The following GPC5 variants were observed in gnomAD, a reference collection of about 807,000 sequenced individuals.
GPC5 encodes the protein glypican-5.
GPC5 carries 47 observed loss-of-function variants against 53.9 expected under a neutral mutation model. The observed-to-expected ratio is 0.87, with a 90% CI of 0.69 to 1.11. The LOEUF is 1.11. Ranked by LOEUF, GPC5 falls within the 50% of genes most tolerant of loss-of-function variation. The pLI is 0.00. For missense variants in GPC5, 748 were observed against 713.1 expected (o/e 1.05, Z -0.56); for synonymous variants, 286 against 263.3 (o/e 1.09, Z -0.84).
intron 7 of GPC5, among the ~76,000 whole-genome samples, chr13:92,743,773 T>C (rs1345492922): frequency 1.3e-5 from 2 of 152,180 alleles, no homozygotes; most frequent in Non-Finnish European, 2.9e-5. Flanking sequence ...AATACCTAAT[T>C]TATTGAGAGT....
At chr13:92,021,725 CATTT>C (rs1424613040) in intron 6 of GPC5, among the ~76,000 whole-genome samples, 1 of 152,096 alleles carries the variant, frequency 6.6e-6, no homozygotes, top group Non-Finnish European at 1.5e-5. Flanking sequence ...AGGCTTTATC[CATTT>C]ATCTATCTGG....
chr13:92,786,833 G>T (rs115800476), intron 7 of GPC5, among the ~76,000 whole-genome samples: 1 of 152,124 alleles, frequency 6.6e-6, no homozygotes, highest in East Asian at 1.9e-4. Flanking sequence ...TACCTGTGGG[G>T]TAATGAGGAA....
intron 2 of GPC5, among the ~76,000 whole-genome samples, chr13:91,480,102 C>A (rs1883220075): frequency 6.6e-6 from 1 of 152,054 alleles, no homozygotes; most frequent in Non-Finnish European, 1.5e-5. Context: ...GAAAGATGTT[C>A]TCATTAGAAA....
intron 6 of GPC5, among the ~76,000 whole-genome samples, chr13:91,993,784 T>C (rs2040479260): frequency 6.9e-6 from 1 of 144,970 alleles, no homozygotes; most frequent in Admixed American, 6.6e-5. Flanking sequence ...TTCATTCATG[T>C]TATTTCAGAG....
At chr13:91,859,942 T>C (rs2039007721) in intron 5 of GPC5, among the ~76,000 whole-genome samples, 1 of 152,112 alleles carries the variant, frequency 6.6e-6, no homozygotes, top group African/African-American at 2.4e-5. Context: ...TGACACATAA[T>C]AATTGTGCAT....
At position 91,671,806 on chromosome 13, in the gene GPC5, C is replaced by T. The variant is rs568473442; in HGVS notation, c.326-21381C>T. The stretch of plus-strand genomic sequence containing the variant: ...AAAAAAAAAAAAAAAAAAAAAAAAA[C>T]GAAACTGGAGGCATCACGCTACCAG... On this transcript the variant is annotated intron_variant, in intron 2 of 7. Coordinates refer to ENST00000377067, the MANE Select transcript of GPC5 (RefSeq NM_004466.6). Among the ~76,000 whole-genome samples the T allele has an allele frequency of 5.9e-3, 205 of 34,702 alleles. 2 individuals are homozygous for T. The highest frequency in any genetic ancestry group is 0.02 in the African/African-American group (194 of 9,584). 22.8% of individuals were successfully genotyped at this position (34,702 alleles called of 152,430 possible).
chr13:91,563,339 C>T (rs1025328414), intron 2 of GPC5, among the ~76,000 whole-genome samples: 6 of 151,944 alleles, frequency 3.9e-5, no homozygotes, highest in Non-Finnish European at 5.9e-5. Context: ...AAAATAATAT[C>T]GGGAATTATG....
intron 7 of GPC5, among the ~76,000 whole-genome samples, chr13:92,467,640 AC>A (rs913323648): frequency 6.6e-6 from 1 of 152,108 alleles, no homozygotes; most frequent in African/African-American, 2.4e-5. Context: ...AGGTAAAATA[AC>A]TTGCTGAATA....
intron 7 of GPC5, among the ~76,000 whole-genome samples, chr13:92,730,213 C>T (rs2050329635): frequency 6.6e-6 from 1 of 151,262 alleles, no homozygotes; most frequent in Admixed American, 6.6e-5. Context: ...TCATTTTTAG[C>T]AGTTTTAAGT....
At chr13:92,274,961 G>C (rs1211575576) in intron 7 of GPC5, among the ~76,000 whole-genome samples, 1 of 148,764 alleles carries the variant, frequency 6.7e-6, no homozygotes, top group East Asian at 2.0e-4. Flanking sequence ...TGAAAAGATG[G>C]ATGATAAAAA....
chr13:92,304,563 G>A (rs1036209890), intron 7 of GPC5, among the ~76,000 whole-genome samples: 1 of 129,708 alleles, frequency 7.7e-6, no homozygotes, highest in African/African-American at 3.5e-5. Context: ...CTAATAAATA[G>A]GGATATCATT....
intron 2 of GPC5, among the ~76,000 whole-genome samples, chr13:91,584,176 T>C (rs1276617144): frequency 6.6e-6 from 1 of 152,186 alleles, no homozygotes; most frequent in Non-Finnish European, 1.5e-5. Context: ...CACCCTGATC[T>C]TGGACTTCTG....
At chr13:92,249,877 C>T (rs930510803) in intron 7 of GPC5, among the ~76,000 whole-genome samples, 2 of 151,926 alleles carry the variant, frequency 1.3e-5, no homozygotes, top group Admixed American at 6.6e-5. Context: ...ATCCATTTAC[C>T]TCTCTTAGTT....
intron 7 of GPC5, among the ~76,000 whole-genome samples, chr13:92,707,140 CTA>C (rs1331295770): frequency 6.8e-6 from 1 of 147,834 alleles, no homozygotes; most frequent in Non-Finnish European, 1.5e-5. Flanking sequence ...GCCTCCAGAA[CTA>C]TATGACATAC....
chr13:92,731,257 T>C (rs796479946), intron 7 of GPC5, among the ~76,000 whole-genome samples: 9 of 151,638 alleles, frequency 5.9e-5, no homozygotes, highest in African/African-American at 1.9e-4. Context: ...GGAAAAATAC[T>C]TCAATGTGAT....
At chr13:92,328,126 T>C (rs2043264597) in intron 7 of GPC5, among the ~76,000 whole-genome samples, 1 of 152,176 alleles carries the variant, frequency 6.6e-6, no homozygotes, top group African/African-American at 2.4e-5. Context: ...ATGAGAACCT[T>C]CTTGAGAATA....
intron 2 of GPC5, among the ~76,000 whole-genome samples, chr13:91,646,370 T>C (rs548107365): frequency 6.6e-5 from 10 of 152,204 alleles, no homozygotes; most frequent in Admixed American, 2.6e-4. Flanking sequence ...TTTGTTGTTA[T>C]ATGTAAAATT....
chr13:91,623,644 T>G lies in GPC5; in HGVS notation c.326-69543T>G, dbSNP rs140394411. ...ATGGCTAAAAACTACATATATGGGC[T>G]GCATTTAGTATAATTTCATATGTAA... is the stretch of plus-strand genomic sequence containing the variant. On this transcript the variant is annotated intron_variant, in intron 2 of 7. Transcript: ENST00000377067. 1.7e-3 allele frequency among the ~76,000 whole-genome samples: 253 copies of G among 152,278 alleles called. 1 individual carries two copies. The Middle Eastern group carries it at 0.024, about 14-fold the overall frequency.
intron 7 of GPC5, among the ~76,000 whole-genome samples, chr13:92,579,632 A>G (rs190906310): frequency 2.6e-5 from 4 of 152,176 alleles, no homozygotes; most frequent in Non-Finnish European, 1.5e-5. Context: ...AATCTTATCT[A>G]ATGGCTCAGC....
Sources: gnomAD v4.1 joint callset for allele counts (sites outside exome capture counted in the v4.1 genomes callset) on GRCh38, gnomAD v4.1.1 for gene constraint, MANE v1.5 for transcripts, NCBI Gene and HGNC (gene_info 2026-07-23, HGNC 2026-07-21) for gene names.